CELF4: variants seen among roughly 807,000 people sequenced by gnomAD.
The protein encoded by CELF4 is CUGBP Elav-like family member 4.
A neutral mutation model predicts 59.9 loss-of-function variants in CELF4; 18 were observed. The ratio of observed to expected loss-of-function variants is 0.30; its 90% confidence interval spans 0.21 to 0.45. The LOEUF is 0.45. Ranked by LOEUF, CELF4 falls within the 20% of genes least tolerant of loss-of-function variation. The probability of loss-of-function intolerance (pLI) is 1.00; values close to 1 mark genes in which losing one functional copy is unlikely to be tolerated. For synonymous variants in CELF4, 261 were observed against 267.1 expected (o/e 0.98, Z 0.22); for missense variants, 456 against 689.0 (o/e 0.66, Z 3.79).
chr18:37,364,704 G>C (rs968611699), intron 2 of CELF4, among the ~76,000 whole-genome samples: 2 of 152,236 alleles, frequency 1.3e-5, no homozygotes. Context: ...GAATTAGGAA[G>C]AGAAACAGAC....
intron 1 of CELF4, among the ~76,000 whole-genome samples, chr18:37,505,229 C>T (rs2099936456): frequency 6.6e-6 from 1 of 152,212 alleles, no homozygotes; most frequent in Non-Finnish European, 1.5e-5. Flanking sequence ...TCTGCTTGAC[C>T]CATGGGCCTG....
rs112290458 is a variant in CELF4 at position 37,287,461 on chromosome 18, G to A, written c.449-12218C>T. On this transcript the variant is annotated intron_variant, in intron 3 of 12. Coordinates refer to ENST00000420428, the MANE Select transcript of CELF4 (RefSeq NM_020180.4). ...CCTGTAAAGCTGTTGAACTAATTTC[G>A]GGAGGCGGGGTGAGGGGACCTCTCT... 2.5e-3 allele frequency among the ~76,000 whole-genome samples: 381 copies of A among 152,296 alleles called. 3 individuals are homozygous for A. The highest frequency in any genetic ancestry group is 0.018 in the Admixed American group (268 of 15,306).
At chr18:37,440,342 A>G (rs2099708634) in intron 2 of CELF4, among the ~76,000 whole-genome samples, 1 of 152,120 alleles carries the variant, frequency 6.6e-6, no homozygotes, top group African/African-American at 2.4e-5. Flanking sequence ...GAGGAAGGGC[A>G]GGCACGTCCT....
chr18:37,433,672 G>T (rs2099678457), intron 2 of CELF4, among the ~76,000 whole-genome samples: 1 of 152,240 alleles, frequency 6.6e-6, no homozygotes, highest in African/African-American at 2.4e-5. Context: ...CACCTGGCAA[G>T]TGAGGAGCTC....
intron 1 of CELF4, among the ~76,000 whole-genome samples, chr18:37,491,346 G>A (rs1230708787): frequency 1.3e-5 from 2 of 152,152 alleles, no homozygotes; most frequent in East Asian, 1.9e-4. Context: ...TATCACATAC[G>A]CTGAACACTT....
At chr18:37,527,447 G>A (rs1569569760) in intron 1 of CELF4, among the ~76,000 whole-genome samples, 1 of 151,976 alleles carries the variant, frequency 6.6e-6, no homozygotes, top group African/African-American at 2.4e-5. Flanking sequence ...AAGAAGTTGG[G>A]GTAATCAAGG....
chr18:37,310,264 G>A (rs1159414874), intron 3 of CELF4, among the ~76,000 whole-genome samples: 1 of 152,058 alleles, frequency 6.6e-6, no homozygotes, highest in Non-Finnish European at 1.5e-5. Flanking sequence ...AGGGCTTGGC[G>A]GGCAGTGAAG....
At chr18:37,363,624 A>G (rs1288113792) in intron 2 of CELF4, among the ~76,000 whole-genome samples, 1 of 152,138 alleles carries the variant, frequency 6.6e-6, no homozygotes, top group Non-Finnish European at 1.5e-5. Context: ...GAATGGTAAG[A>G]TTTTGGTGTC....
intron 2 of CELF4, among the ~76,000 whole-genome samples, chr18:37,441,638 T>G (rs1168769760): frequency 6.6e-6 from 1 of 152,138 alleles, no homozygotes; most frequent in Non-Finnish European, 1.5e-5. Flanking sequence ...GACCATCTGC[T>G]TTGTGGTCAC....
chr18:37,482,007 A>C (rs2099868798), intron 2 of CELF4, among the ~76,000 whole-genome samples: 1 of 152,258 alleles, frequency 6.6e-6, no homozygotes, highest in Admixed American at 6.5e-5. Flanking sequence ...CATGCCTGTC[A>C]TATAGTAAGC....
intron 10 of CELF4, among the ~76,000 whole-genome samples, chr18:37,262,023 C>A (rs769639988): frequency 2.6e-5 from 4 of 152,206 alleles, no homozygotes; most frequent in East Asian, 1.9e-4. Flanking sequence ...GCCCACCTTG[C>A]GCCTGTCTCT....
intron 1 of CELF4, among the ~76,000 whole-genome samples, chr18:37,531,913 C>T (rs891741700): frequency 1.3e-5 from 2 of 152,186 alleles, no homozygotes; most frequent in Non-Finnish European, 2.9e-5. Context: ...ACAGGATCTA[C>T]CTGTTAACTC....
At chr18:37,307,131 T>G (rs2096455028) in intron 3 of CELF4, among the ~76,000 whole-genome samples, 1 of 152,182 alleles carries the variant, frequency 6.6e-6, no homozygotes, top group African/African-American at 2.4e-5. Flanking sequence ...GGGCTTGTAC[T>G]CCACTCCCAG....
intron 3 of CELF4, among the ~76,000 whole-genome samples, chr18:37,303,591 G>T (rs1268250082): frequency 6.6e-6 from 1 of 152,136 alleles, no homozygotes; most frequent in East Asian, 1.9e-4. Flanking sequence ...GGTGAGGCGG[G>T]TGGGGAGAAA....
intron 2 of CELF4, among the ~76,000 whole-genome samples, chr18:37,423,225 G>A (rs2099591292): frequency 6.6e-6 from 1 of 152,198 alleles, no homozygotes; most frequent in Non-Finnish European, 1.5e-5. Context: ...TTGAGGACAA[G>A]GGGCACAGAT....
At chr18:37,563,095 A>G (rs1306937423) in intron 1 of CELF4, among the ~76,000 whole-genome samples, 2 of 150,470 alleles carry the variant, frequency 1.3e-5, no homozygotes, top group South Asian at 2.1e-4. Context: ...TAATATATGT[A>G]TTACGTATAT....
intron 2 of CELF4, among the ~76,000 whole-genome samples, chr18:37,427,287 C>T (rs1365955248): frequency 6.6e-6 from 1 of 152,140 alleles, no homozygotes; most frequent in African/African-American, 2.4e-5. Flanking sequence ...TTTCAATAGC[C>T]CAGGCAGGAA....
chr18:37,390,034 C>T (rs1283583521), intron 2 of CELF4, among the ~76,000 whole-genome samples: 1 of 152,230 alleles, frequency 6.6e-6, no homozygotes, highest in East Asian at 1.9e-4. Flanking sequence ...TGTTCTGTCT[C>T]ACCCAGGAGT....
chr18:37,356,441 A>G (rs1569567520), intron 2 of CELF4, among the ~76,000 whole-genome samples: 1 of 152,100 alleles, frequency 6.6e-6, no homozygotes, highest in Non-Finnish European at 1.5e-5. Flanking sequence ...GAGGTGCTGG[A>G]AAGGCCAGAG....
Sources: gnomAD v4.1 joint callset for allele counts (sites outside exome capture counted in the v4.1 genomes callset) on GRCh38, gnomAD v4.1.1 for gene constraint, MANE v1.5 for transcripts, NCBI Gene and HGNC (gene_info 2026-07-23, HGNC 2026-07-21) for gene names.